ATXN1: variants seen among roughly 807,000 people sequenced by gnomAD.
ATXN1 encodes the protein ataxin-1.
ATXN1 carries 8 observed loss-of-function variants against 56.4 expected under a neutral mutation model. The ratio of observed to expected loss-of-function variants is 0.14; its 90% CI spans 0.08 to 0.26. The LOEUF (loss-of-function observed/expected upper bound fraction) is 0.26, where lower values mean the gene tolerates loss of function less well. Ranked by LOEUF, ATXN1 falls within the 10% of genes least tolerant of loss-of-function variation. The pLI is 1.00. For missense variants in ATXN1, 987 were observed against 1,106.5 expected (o/e 0.89, Z 1.53); for synonymous variants, 514 against 494.6 (o/e 1.04, Z -0.52).
Position 16,704,023 on chromosome 6 carries a change from A to G in ATXN1, c.-614-46122T>C, listed in dbSNP as rs549321865. Among the ~76,000 whole-genome samples, 8 of 152,348 alleles carry G rather than the reference A, an allele frequency of 5.3e-5. 1 individual carries two copies. In the East Asian group the frequency reaches 1.5e-3, roughly 29 times the overall value. On this transcript the variant is annotated intron_variant, in intron 2 of 7. Transcript: ENST00000436367. ...AACAAGAGCGAGATTCCATCTCAAA[A>G]AAACAAAGCAATAACAACAACGGTT...
intron 3 of ATXN1, among the ~76,000 whole-genome samples, chr6:16,618,648 G>A (rs1763263236): frequency 6.6e-6 from 1 of 151,804 alleles, no homozygotes; most frequent in African/African-American, 2.4e-5. Flanking sequence ...CTTGAACCCG[G>A]GAGGCGGAGG....
At chr6:16,590,674 T>C (rs1156718269) in intron 3 of ATXN1, among the ~76,000 whole-genome samples, 1 of 151,870 alleles carries the variant, frequency 6.6e-6, no homozygotes, top group Non-Finnish European at 1.5e-5. Context: ...TAACATTCTT[T>C]TTTTTTTTTC....
chr6:16,597,582 G>A lies in ATXN1; in HGVS notation c.-488-11675C>T, dbSNP rs190767493. Among the ~76,000 whole-genome samples, 205 of 152,156 alleles carry A rather than the reference G, an allele frequency of 1.3e-3. 1 individual carries two copies. Among genetic ancestry groups the A allele is most frequent in the African/African-American group, 4.8e-3 (198 of 41,510 alleles). On this transcript the variant is annotated intron_variant, in intron 3 of 7. Coordinates refer to ENST00000436367, the MANE Select transcript of ATXN1 (RefSeq NM_001128164.2). ...GCCTCCCCAGTAGCTGGGCTTCCAG[G>A]CACATGCCACCACACTTGGCTATTT...
chr6:16,698,650 TAAAAAAAAAAA>T (rs11311429), intron 2 of ATXN1, among the ~76,000 whole-genome samples: 1 of 135,350 alleles, frequency 7.4e-6, no homozygotes, highest in Non-Finnish European at 1.6e-5. Flanking sequence ...CCTCAAAAAT[TAAAAAAAAAAA>T]AAAAAAAAAG....
chr6:16,692,652 CCAA>C (rs200570841), intron 2 of ATXN1, among the ~76,000 whole-genome samples: 2 of 139,256 alleles, frequency 1.4e-5, no homozygotes, highest in African/African-American at 5.0e-5. Flanking sequence ...ACCGCCACCA[CCAA>C]CAACAAAAAC....
At chr6:16,637,996 G>A (rs977572880) in intron 3 of ATXN1, among the ~76,000 whole-genome samples, 1 of 152,166 alleles carries the variant, frequency 6.6e-6, no homozygotes, top group Non-Finnish European at 1.5e-5. Flanking sequence ...TCACATACTA[G>A]TATGAAAGAG....
chr6:16,603,389 T>C (rs145350211), intron 3 of ATXN1, among the ~76,000 whole-genome samples: 1 of 152,298 alleles, frequency 6.6e-6, no homozygotes, highest in African/African-American at 2.4e-5. Flanking sequence ...CCACCTTCCC[T>C]TTCCAGGCTC....
intron 3 of ATXN1, among the ~76,000 whole-genome samples, chr6:16,624,602 AC>A (rs1291887831): frequency 5.3e-5 from 8 of 152,186 alleles, no homozygotes; most frequent in African/African-American, 1.9e-4. Context: ...TACATTCTGC[AC>A]CATAGATTGA....
chr6:16,322,497 A>C (rs1396398931), intron 7 of ATXN1, among the ~76,000 whole-genome samples: 1 of 152,074 alleles, frequency 6.6e-6, no homozygotes, highest in African/African-American at 2.4e-5. Context: ...TTTGGAGAAA[A>C]CCATCTCTTC....
chr6:16,459,192 T>C (rs941828561), intron 6 of ATXN1, among the ~76,000 whole-genome samples: 2 of 152,188 alleles, frequency 1.3e-5, no homozygotes, highest in Non-Finnish European at 2.9e-5. Flanking sequence ...ATTAACTATA[T>C]GAATATGGGG....
chr6:16,523,209 A>AC lies in ATXN1; in HGVS notation c.-360-522_-360-521insG, dbSNP rs1223535841. On this transcript the variant is annotated intron_variant, in intron 4 of 7. Transcript: ENST00000436367. ...GAGCCATCGTACCCAGCCGTGTTTTATTTTTTTGAGATAGGGTCTTGCTTT... is the reference window on the plus strand; with the variant it reads ...GAGCCATCGTACCCAGCCGTGTTTTACTTTTTTTGAGATAGGGTCTTGCTTT... Among the ~76,000 whole-genome samples the AC allele has an allele frequency of 3.9e-5, 6 of 151,922 alleles. No individual in the cohort carries two copies. In the East Asian group the frequency reaches 1.2e-3, roughly 29 times the overall value.
intron 6 of ATXN1, among the ~76,000 whole-genome samples, chr6:16,420,258 T>C (rs16878121): frequency 0.17 from 25,981 of 152,138 alleles, 2,538 homozygotes; most frequent in African/African-American, 0.25. Flanking sequence ...AGAGAGATGG[T>C]GGGATGACTT....
At chr6:16,696,885 G>A (rs1161926549) in intron 2 of ATXN1, among the ~76,000 whole-genome samples, 3 of 152,184 alleles carry the variant, frequency 2.0e-5, no homozygotes, top group African/African-American at 7.2e-5. Context: ...TAAAAGCTAA[G>A]AGAGGAAAAG....
At chr6:16,312,824 C>T (rs1760428160) in intron 7 of ATXN1, among the ~76,000 whole-genome samples, 2 of 152,142 alleles carry the variant, frequency 1.3e-5, no homozygotes, top group East Asian at 1.9e-4. Context: ...CCCCCATACC[C>T]CCCTCCCATA....
At chr6:16,689,943 G>T (rs1759011360) in intron 2 of ATXN1, among the ~76,000 whole-genome samples, 1 of 151,922 alleles carries the variant, frequency 6.6e-6, no homozygotes, top group Non-Finnish European at 1.5e-5. Flanking sequence ...CAATTTTTTT[G>T]ACAAATTCCT....
chr6:16,688,486 A>G (rs984534801), intron 2 of ATXN1, among the ~76,000 whole-genome samples: 1 of 152,236 alleles, frequency 6.6e-6, no homozygotes, highest in Non-Finnish European at 1.5e-5. Context: ...AATGACAGAC[A>G]AAACTCCTAA....
At chr6:16,654,398 G>C (rs1044983105) in intron 3 of ATXN1, among the ~76,000 whole-genome samples, 2 of 152,062 alleles carry the variant, frequency 1.3e-5, no homozygotes, top group Non-Finnish European at 2.9e-5. Flanking sequence ...AGAAAAATTA[G>C]CTGGGCACGG....
At chr6:16,664,112 A>G (rs1758378730) in intron 2 of ATXN1, among the ~76,000 whole-genome samples, 1 of 152,232 alleles carries the variant, frequency 6.6e-6, no homozygotes, top group African/African-American at 2.4e-5. Flanking sequence ...TGCAATTTGG[A>G]CAATTTTGTG....
At chr6:16,584,022 T>C (rs985849510) in intron 4 of ATXN1, among the ~76,000 whole-genome samples, 1 of 151,812 alleles carries the variant, frequency 6.6e-6, no homozygotes, top group Non-Finnish European at 1.5e-5. Flanking sequence ...TCATATATAT[T>C]ATTTGCAGCA....
Sources: allele counts gnomAD v4.1 joint callset (sites outside exome capture counted in the v4.1 genomes callset), GRCh38; gene constraint gnomAD v4.1.1; transcripts MANE v1.5; gene names NCBI Gene and HGNC (gene_info 2026-07-23, HGNC 2026-07-21).